PLPP5: variants seen among roughly 807,000 people sequenced by gnomAD.
The protein encoded by PLPP5 is phospholipid phosphatase 5.
In PLPP5, 29 loss-of-function variants were observed where a neutral mutation model predicts 23.6. The observed-to-expected ratio is 1.23, with a 90% CI of 0.92 to 1.68. The LOEUF is 1.68. PLPP5 is among the 40% of genes most tolerant of loss of function. PLPP5 has a pLI of 0.00. For missense variants in PLPP5, 315 were observed against 332.1 expected (o/e 0.95, Z 0.40); for synonymous variants, 143 against 131.3 (o/e 1.09, Z -0.61).
Position 38,269,210 on chromosome 8 carries a change from G to C in PLPP5, c.-11C>G, listed in dbSNP as rs1290132879. On this transcript the variant is annotated 5_prime_UTR_variant, in exon 1 of 7. Transcript: ENST00000424479. ...CGCCGCCTTCCCCATCCGGCCGCGAGCTCCGAGCGACGCTGCGCTGACGTG... is the reference window on the plus strand; with the variant it reads ...CGCCGCCTTCCCCATCCGGCCGCGACCTCCGAGCGACGCTGCGCTGACGTG... 4 of 1,496,566 alleles carry C rather than the reference G, an allele frequency of 2.7e-6. No individual in the cohort carries two copies. The highest frequency in any genetic ancestry group is 2.7e-6 in the Non-Finnish European group (3 of 1,130,946). 92.7% of individuals were successfully genotyped at this position (1,496,566 alleles called of 1,614,324 possible).
intron 3 of PLPP5, 140 bp from the exon 4 acceptor site, chr8:38,268,100 A>G: frequency 6.7e-7 from 1 of 1,483,358 alleles, no homozygotes; most frequent in East Asian, 2.4e-5. Context: ...TAGGGTCCTC[A>G]GTGATCACTC....
At chr8:38,268,793 A>C (rs991642500) in intron 2 of PLPP5, 89 bp downstream of exon 2, 4 of 1,446,820 alleles carry the variant, frequency 2.8e-6, no homozygotes, top group Non-Finnish European at 3.6e-6. Flanking sequence ...GTGGGTCCCT[A>C]CAAAGGCCGT....
rs754696392 is a variant in PLPP5 at position 38,267,394 on chromosome 8, G to A, written c.339-3C>T. ...GGTAGAAGAAATCTGGGCGTGGCCT[G>A]GAAGAAAGCAGCATGGTTGGAACGT... On this transcript the variant is annotated splice_polypyrimidine_tract_variant and splice_region_variant and intron_variant, in intron 4 of 6. Coordinates refer to ENST00000424479, the MANE Select transcript of PLPP5 (RefSeq NM_001102559.2). The A allele has an allele frequency of 6.2e-7, 1 of 1,612,236 alleles. No individual in the cohort carries two copies. The highest frequency in any genetic ancestry group is 1.1e-5 in the South Asian group (1 of 90,776).
chr8:38,266,086 T>A, intron 6 of PLPP5, 55 bp downstream of exon 6: 1 of 1,552,572 alleles, frequency 6.4e-7, no homozygotes, highest in Non-Finnish European at 8.8e-7. Context: ...TGCTAGGTGC[T>A]AGGAATAAAA....
At position 38,268,494 on chromosome 8, in the gene PLPP5, C is replaced by A. The variant is rs1050935333; in HGVS notation, c.184-33G>T. The A allele has an allele frequency of 7.1e-6, 11 of 1,545,032 alleles. No homozygotes were observed. The Admixed American group carries it at 1.0e-4, about 14-fold the overall frequency. On this transcript the variant is annotated intron_variant, in intron 2 of 6. Transcript: ENST00000424479. ...AGAATGTCAGAGGTTAAAAACAATC[C>A]AAAAAAAAGCCACACTCGTGCTCCT...
At position 38,264,213 on chromosome 8, in the gene PLPP5, T is replaced by C; in HGVS notation, c.*231A>G. On this transcript the variant is annotated 3_prime_UTR_variant, in exon 7 of 7. Transcript: ENST00000424479. ...CCTAGGCTGGAGTGCAGTGGTGCGA[T>C]CTCGGCTCACTGGAACCTCCAGCTC... is the stretch of plus-strand genomic sequence containing the variant. The C allele has an allele frequency of 1.1e-6, 1 of 942,836 alleles. No individual in the cohort carries two copies. The allele number at this position is 942,836 out of a possible 1,614,324, so 58.4% of individuals were successfully genotyped here.
chr8:38,268,673 G>C, intron 2 of PLPP5: 4 of 1,431,722 alleles, frequency 2.8e-6, no homozygotes, highest in East Asian at 2.5e-5. Context: ...GAGCGCCCGG[G>C]AAAACGTTGT....
chr8:38,267,899 C>T lies in PLPP5; in HGVS notation c.336G>A (p.Gly112=). 1 of 1,614,014 alleles carries T rather than the reference C, an allele frequency of 6.2e-7. No homozygotes were observed. The highest frequency in any genetic ancestry group is 1.1e-5 in the South Asian group (1 of 91,078). Residue 112 remains glycine, a splice_region_variant and synonymous_variant, in exon 4 of 7, where the codon GGG becomes GGA. Coordinates refer to ENST00000424479, the MANE Select transcript of PLPP5 (RefSeq NM_001102559.2). ...VFTNTIKLIV[G]RPRPDFFYRC... Reference sequence around the variant, plus strand: ...GGTGGTTAGCTGTTGTCACTTACCTCCCTACGATCAGTTTTATTGTGTTGG... The same window carrying T: ...GGTGGTTAGCTGTTGTCACTTACCTTCCTACGATCAGTTTTATTGTGTTGG...
Position 38,268,199 on chromosome 8 carries a change from G to A in PLPP5, c.274+172C>T, listed in dbSNP as rs1808000955. 6.4e-6 allele frequency: 7 copies of A among 1,092,724 alleles called. No individual in the cohort carries two copies. In the East Asian group the frequency reaches 1.0e-4, roughly 16 times the overall value. 67.7% of individuals were successfully genotyped at this position (1,092,724 alleles called of 1,614,324 possible). On this transcript the variant is annotated intron_variant, in intron 3 of 6. Transcript: ENST00000424479. ...ATTTAGGCACAGGGCTGCCTGCCGT[G>A]TAGCCTGCGTAACCAAGTCCCTGCA...
In PLPP5 at chr8:38,267,382, T is replaced by G. The variant is rs765200245; in HGVS notation, c.348A>C (p.Pro116=). The change falls in exon 5 of 7, where the codon CCA becomes CCC. Residue 116 remains proline, a synonymous_variant. Transcript: ENST00000424479. The part of the protein sequence containing the change: ...TIKLIVGRPR[P]DFFYRCFPDG... The stretch of plus-strand genomic sequence containing the variant: ...CAGGGAAGCAGCGGTAGAAGAAATC[T>G]GGGCGTGGCCTGGAAGAAAGCAGCA... The G allele has an allele frequency of 5.0e-6, 8 of 1,613,466 alleles. No homozygotes were observed. Among genetic ancestry groups the G allele is most frequent in the Non-Finnish European group, 6.8e-6 (8 of 1,179,714 alleles).
chr8:38,268,186 G>A, intron 3 of PLPP5, 185 bp downstream of exon 3: 1 of 1,168,850 alleles, frequency 8.6e-7, no homozygotes, highest in Non-Finnish European at 1.2e-6. Context: ...TTAGGCACAG[G>A]GCTGCCTGCC....
At chr8:38,266,839 T>C (rs1049931739) in intron 5 of PLPP5, 3 of 219,380 alleles carry the variant, frequency 1.4e-5, no homozygotes, top group Non-Finnish European at 2.7e-5. Flanking sequence ...ATACTAGCTA[T>C]ATGTATCAAC....
At chr8:38,267,462 T>TTAA in intron 4 of PLPP5, 71 bp from the exon 5 acceptor site, 2 of 1,569,108 alleles carry the variant, frequency 1.3e-6, no homozygotes, top group South Asian at 2.3e-5. Context: ...GTAGCAGACA[T>TTAA]TAATAATCCT....
rs370513247 is a variant in PLPP5, at chr8:38,265,007, G to A, written c.635-403C>T. ...CTTCTCGCCGGGCACGGTGACTCAC[G>A]CCTGTAATCCCAGCACTTTGGGAGG... On this transcript the variant is annotated intron_variant, in intron 6 of 6. Coordinates refer to ENST00000424479, the MANE Select transcript of PLPP5 (RefSeq NM_001102559.2). 1.2e-5 allele frequency: 14 copies of A among 1,199,674 alleles called. No individual in the cohort carries two copies. The African/African-American group carries it at 1.2e-4, about 10-fold the overall frequency. The allele number at this position is 1,199,674 out of a possible 1,614,324, so 74.3% of individuals were successfully genotyped here.
Position 38,264,008 on chromosome 8 carries a change from G to A in PLPP5, c.*436C>T, listed in dbSNP as rs1347351469. The A allele has an allele frequency of 2.0e-6, 2 of 986,146 alleles. No individual in the cohort carries two copies. The highest frequency in any genetic ancestry group is 6.1e-5 in the Admixed American group (1 of 16,338). The allele number at this position is 986,146 out of a possible 1,614,324, so 61.1% of individuals were successfully genotyped here. ...AAGATAGATGAGCAGGGGCAAAAGT[G>A]TGTAATCATTTGGAGGCAGAATACA... On this transcript the variant is annotated 3_prime_UTR_variant, in exon 7 of 7. Coordinates refer to ENST00000424479, the MANE Select transcript of PLPP5 (RefSeq NM_001102559.2).
Position 38,263,565 on chromosome 8 carries a change from G to T in PLPP5, c.*879C>A, listed in dbSNP as rs1807202787. On this transcript the variant is annotated 3_prime_UTR_variant, in exon 7 of 7. Coordinates refer to ENST00000424479, the MANE Select transcript of PLPP5 (RefSeq NM_001102559.2). ...ATTCAACAAATTGTTTATGCCCACGGTGTTCAAAATGCACAGCAGTACCAG... is the reference window on the plus strand; with the variant it reads ...ATTCAACAAATTGTTTATGCCCACGTTGTTCAAAATGCACAGCAGTACCAG... 1.5e-5 allele frequency: 15 copies of T among 985,078 alleles called. No homozygotes were observed. The highest frequency in any genetic ancestry group is 1.7e-5 in the Non-Finnish European group (14 of 829,798). The allele number at this position is 985,078 out of a possible 1,614,324, so 61.0% of individuals were successfully genotyped here.
rs1410611277 is a variant in PLPP5 at position 38,264,377 on chromosome 8, C to T, written c.*67G>A. ...GCTGGTCCTGACCTCAGGTGATCCA[C>T]CCTCCTCAGCCTCCCAAAGTGTTGG... On this transcript the variant is annotated 3_prime_UTR_variant, in exon 7 of 7. Transcript: ENST00000424479. 4 of 1,305,278 alleles carry T rather than the reference C, an allele frequency of 3.1e-6. No homozygotes were observed. The African/African-American group carries it at 6.0e-5, about 19-fold the overall frequency. 80.9% of individuals were successfully genotyped at this position (1,305,278 alleles called of 1,614,324 possible).
chr8:38,267,013 G>A, intron 5 of PLPP5: 1 of 1,376,718 alleles, frequency 7.3e-7, no homozygotes, highest in Non-Finnish European at 9.4e-7. Context: ...GCTAGTACAA[G>A]ATTGCAGGAT....
chr8:38,266,237 C>A lies in PLPP5; in HGVS notation c.538G>T (p.Gly180Trp), dbSNP rs777501052. ...AAGGCACAGAACCTCCAAGATTTCC[C>A]ACGGCCTTGTGGTGTGAAGCAGTGT... ...KLHCFTPQGR[G>W]KSWRFCAFLS... is the part of the protein sequence containing the mutation. The change falls in exon 6 of 7, where the codon GGG becomes TGG. Residue 180 changes from glycine to tryptophan, a missense_variant. Physicochemically the swap from Gly to Trp is radical, Grantham distance 184. Coordinates refer to ENST00000424479, the MANE Select transcript of PLPP5 (RefSeq NM_001102559.2). 1 of 1,613,784 alleles carries A rather than the reference C, an allele frequency of 6.2e-7. No homozygotes were observed. Among genetic ancestry groups the A allele is most frequent in the South Asian group, 1.1e-5 (1 of 90,998 alleles).
Sources: allele counts gnomAD v4.1 joint callset, GRCh38; gene constraint gnomAD v4.1.1; transcripts MANE v1.5; gene names NCBI Gene and HGNC (gene_info 2026-07-23, HGNC 2026-07-21).